The following KDM2B variants were observed in gnomAD, a reference collection of about 807,000 sequenced individuals.
KDM2B encodes lysine-specific demethylase 2B.
A neutral mutation model predicts 150.0 loss-of-function variants in KDM2B; 26 were observed. The ratio of observed to expected loss-of-function variants is 0.17; its 90% CI spans 0.13 to 0.24. The LOEUF is 0.24. KDM2B is among the 10% of genes least tolerant of loss of function. The pLI, the probability that KDM2B is intolerant of heterozygous loss-of-function variation, is 1.00. For missense variants in KDM2B, 1,265 were observed against 1,816.9 expected, an observed-to-expected ratio of 0.70 and a Z score of 5.52; for synonymous variants, 734 against 729.5, an observed-to-expected ratio of 1.01 and a Z score of -0.10.
chr12:121,491,778 A>G (rs575416577), intron 12 of KDM2B, among the ~76,000 whole-genome samples: 8 of 148,208 alleles, frequency 5.4e-5, no homozygotes, highest in Admixed American at 4.1e-4. Context: ...TGGTGACAAG[A>G]GCAAGATTCC....
At chr12:121,475,370 C>T (rs1419228181) in intron 12 of KDM2B, among the ~76,000 whole-genome samples, 2 of 152,146 alleles carry the variant, frequency 1.3e-5, no homozygotes, top group East Asian at 3.9e-4. Context: ...AGGAGGATCA[C>T]TTGAGCCCAG....
intron 8 of KDM2B, among the ~76,000 whole-genome samples, chr12:121,523,230 G>A (rs1222789472): frequency 6.6e-6 from 1 of 152,226 alleles, no homozygotes; most frequent in African/African-American, 2.4e-5. Context: ...GTTCTGCACA[G>A]GACTGCAAGT....
intron 1 of KDM2B, chr12:121,579,786 C>G (rs1450860889): frequency 4.5e-6 from 6 of 1,326,618 alleles, no homozygotes; most frequent in East Asian, 2.5e-5. Flanking sequence ...ACGCCTTTCC[C>G]CGATACCACC....
the KDM2B span, chr12:121,409,592 GGT>G: frequency 6.6e-6 from 1 of 152,156 alleles, no homozygotes; most frequent in Admixed American, 6.6e-5. Context: ...AAAAAATTCT[GGT>G]GCCCAGGCTG....
At chr12:121,418,984 T>C in the KDM2B span, among the ~76,000 whole-genome samples, 2 of 152,316 alleles carry the variant, frequency 1.3e-5, no homozygotes, top group African/African-American at 4.8e-5. Flanking sequence ...ATTACAGGCA[T>C]GAGCCAACCG....
Position 121,575,941 on chromosome 12 carries a change from A to T in KDM2B, c.272-82T>A. 1 of 1,041,534 alleles carries T rather than the reference A, an allele frequency of 9.6e-7. No individual in the cohort carries two copies. Among genetic ancestry groups the T allele is most frequent in the South Asian group, 1.3e-5 (1 of 78,894 alleles). 64.5% of individuals were successfully genotyped at this position (1,041,534 alleles called of 1,614,324 possible). On this transcript the variant is annotated intron_variant, in intron 2 of 22. Coordinates refer to ENST00000377071, the MANE Select transcript of KDM2B (RefSeq NM_032590.5). The surrounding 1 kb of genome is among the most constrained non-coding windows in gnomAD (Gnocchi z 4.4). Reference sequence around the variant, plus strand: ...CGGGATCTGTTGGTTAGGGGAAGAAAACTGATGGACGAAGGGGCAGGGGGT... The same window carrying T: ...CGGGATCTGTTGGTTAGGGGAAGAATACTGATGGACGAAGGGGCAGGGGGT...
intron 13 of KDM2B, among the ~76,000 whole-genome samples, chr12:121,445,845 C>A (rs1382917208): frequency 6.6e-6 from 1 of 152,126 alleles, no homozygotes; most frequent in African/African-American, 2.4e-5. Flanking sequence ...TGAGCGCAGC[C>A]CAGATCCATG....
rs782392204 is a variant in KDM2B at position 121,442,946 on chromosome 12, T to C, written c.2604+46A>G. 2.5e-6 allele frequency: 4 copies of C among 1,609,246 alleles called. No homozygotes were observed. Among genetic ancestry groups the C allele is most frequent in the Non-Finnish European group, 3.4e-6 (4 of 1,177,600 alleles). ...GTGGCCCAGGGAGCTGCGGTGCAGC[T>C]CTAACCGCTCAGGCCTGGGGCACAG... On this transcript the variant is annotated intron_variant, in intron 18 of 22. Coordinates refer to ENST00000377071, the MANE Select transcript of KDM2B (RefSeq NM_032590.5). The surrounding 1 kb of genome is among the most constrained non-coding windows in gnomAD (Gnocchi z 7.7).
chr12:121,503,170 G>A (rs1175921958), intron 11 of KDM2B, among the ~76,000 whole-genome samples: 1 of 151,854 alleles, frequency 6.6e-6, no homozygotes, highest in Non-Finnish European at 1.5e-5. Flanking sequence ...TAGAGATGGG[G>A]TTTTGCCATG....
At position 121,453,270 on chromosome 12, in the gene KDM2B, C is replaced by A. The variant is rs781940984; in HGVS notation, c.1809G>T (p.Thr603=). 6.2e-7 allele frequency: 1 copy of A among 1,608,004 alleles called. No individual in the cohort carries two copies. Among genetic ancestry groups the A allele is most frequent in the Non-Finnish European group, 8.5e-7 (1 of 1,177,544 alleles). Residue 603 remains threonine, a synonymous_variant, in exon 13 of 23, where the codon ACG becomes ACT. Transcript: ENST00000377071. The surrounding 1 kb of genome is among the most constrained non-coding windows in gnomAD (Gnocchi z 6.4). ...SAVKLAANRT[T]AGARRRRTRC... Reference sequence around the variant, plus strand: ...GCGTCCGGCGCCGCCGAGCTCCTGCCGTTGTCCGGTTGGCGGCCAACTTCA... The same window carrying A: ...GCGTCCGGCGCCGCCGAGCTCCTGCAGTTGTCCGGTTGGCGGCCAACTTCA...
At chr12:121,547,504 C>A (rs1889149005) in intron 6 of KDM2B, among the ~76,000 whole-genome samples, 1 of 152,224 alleles carries the variant, frequency 6.6e-6, no homozygotes, top group Non-Finnish European at 1.5e-5. Context: ...GAAAAGTTCA[C>A]AGCCTTGAAG....
intron 1 of KDM2B, among the ~76,000 whole-genome samples, chr12:121,579,408 G>A (rs888114668): frequency 2.6e-5 from 4 of 152,202 alleles, no homozygotes; most frequent in African/African-American, 9.6e-5. Flanking sequence ...CGGAACCGGG[G>A]GCCGGCGGCA....
the KDM2B span, chr12:121,419,933 G>A: frequency 3.8e-6 from 1 of 265,320 alleles, no homozygotes; most frequent in Non-Finnish European, 7.5e-6. Context: ...ATGACACAGT[G>A]CTGTCCCATA....
the KDM2B span, among the ~76,000 whole-genome samples, chr12:121,422,813 A>G: frequency 3.3e-5 from 5 of 152,200 alleles, no homozygotes; most frequent in Non-Finnish European, 7.4e-5. Flanking sequence ...AGGACGGCCC[A>G]TCTCTTTCAA....
intron 11 of KDM2B, among the ~76,000 whole-genome samples, chr12:121,505,194 G>A (rs1372714959): frequency 3.3e-5 from 5 of 150,186 alleles, no homozygotes; most frequent in Non-Finnish European, 5.9e-5. Context: ...GCTGAGGCAC[G>A]AGAATCGCTT....
At chr12:121,492,429 T>A (rs886412821) in intron 12 of KDM2B, among the ~76,000 whole-genome samples, 1 of 151,358 alleles carries the variant, frequency 6.6e-6, no homozygotes, top group East Asian at 2.0e-4. Flanking sequence ...TGCCTCAGCC[T>A]CCTGAGTAGC....
the KDM2B span, chr12:121,423,710 GA>G: frequency 1.3e-6 from 1 of 779,402 alleles, no homozygotes; most frequent in East Asian, 2.8e-5. The surrounding 1 kb of genome is among the most constrained non-coding windows in gnomAD (Gnocchi z 4.3). Context: ...AGTGGGGACA[GA>G]AAGATCCATC....
intron 8 of KDM2B, 66 bp downstream of exon 8, chr12:121,532,740 G>A: frequency 6.4e-7 from 1 of 1,552,334 alleles, no homozygotes; most frequent in African/African-American, 1.4e-5. Context: ...ACCCTCAGGG[G>A]GCCTAAAACC....
chr12:121,440,499 CAGAAA>C (rs1431358871), intron 21 of KDM2B: 2 of 389,764 alleles, frequency 5.1e-6, no homozygotes, highest in Admixed American at 4.2e-5. Flanking sequence ...GGCAAGTCAA[CAGAAA>C]AGAAGTGAGA....
Sources: allele counts gnomAD v4.1 joint callset (sites outside exome capture counted in the v4.1 genomes callset), GRCh38; gene constraint gnomAD v4.1.1; non-coding constraint Gnocchi (gnomAD v3.1); transcripts MANE v1.5; gene names NCBI Gene and HGNC (gene_info 2026-07-23, HGNC 2026-07-21).